The following TYRO3 variants were observed in gnomAD, a reference collection of about 807,000 sequenced individuals.
The protein encoded by TYRO3 is tyrosine-protein kinase receptor TYRO3.
Under a neutral mutation model 95.2 loss-of-function variants are expected in TYRO3, and 38 were observed. The ratio of observed to expected loss-of-function variants is 0.40; its 90% CI spans 0.31 to 0.52. TYRO3 has a LOEUF of 0.52. TYRO3 is among the 20% of genes least tolerant of loss of function. TYRO3 has a pLI of 0.56. For synonymous variants in TYRO3, 367 were observed against 432.9 expected (o/e 0.85, Z 1.89); for missense variants, 812 against 1,116.4 (o/e 0.73, Z 3.89).
chr15:41,562,180 G>A, intron 3 of TYRO3: 1 of 190,722 alleles, frequency 5.2e-6, no homozygotes, highest in South Asian at 1.3e-4. Flanking sequence ...GCCTAAGGGG[G>A]CAGCATGGAA....
chr15:41,568,850 A>G lies in TYRO3; in HGVS notation c.1108-28A>G, dbSNP rs754201979. 41 of 1,596,280 alleles carry G rather than the reference A, an allele frequency of 2.6e-5. No homozygotes were observed. In the South Asian group the frequency reaches 2.8e-4, roughly 11 times the overall value. On this transcript the variant is annotated intron_variant, in intron 8 of 18. Coordinates refer to ENST00000263798, the MANE Select transcript of TYRO3 (RefSeq NM_006293.4). ...TGGAGGCCTTCTCCCCAGGCTCACT[A>G]TGGGGTGGGGGCTTTTCCTGGCTGC...
chr15:41,560,393 A>ATGTGTGTGTTTGTG (rs1555395688), intron 1 of TYRO3, among the ~76,000 whole-genome samples: 1 of 120,446 alleles, frequency 8.3e-6, no homozygotes, highest in African/African-American at 3.2e-5. Context: ...AGGTGCGTGT[A>ATGTGTGTGTTTGTG]TGTGTGTGTG....
intron 5 of TYRO3, 101 bp downstream of exon 5, chr15:41,564,371 T>C: frequency 8.3e-7 from 1 of 1,206,978 alleles, no homozygotes; most frequent in Non-Finnish European, 1.2e-6. Flanking sequence ...CCCCTTGTGG[T>C]CCTGCTGGGA....
rs1428913017 is a variant in TYRO3 at position 41,564,941 on chromosome 15, G to A, written c.668-85G>A. ...AGGTTGGGGATGCCCTGGACCCTCA[G>A]AGAGACTCAAGGCTTGACTCCCATG... On this transcript the variant is annotated intron_variant, in intron 5 of 18. Coordinates refer to ENST00000263798, the MANE Select transcript of TYRO3 (RefSeq NM_006293.4). The A allele has an allele frequency of 1.5e-5, 13 of 888,262 alleles. No homozygotes were observed. In the Middle Eastern group the frequency reaches 9.4e-4, roughly 64 times the overall value. The allele number at this position is 888,262 out of a possible 1,614,324, so 55.0% of individuals were successfully genotyped here. A position where few individuals can be genotyped will look rare whatever the true frequency, so the allele number is the denominator to read the frequency against.
intron 14 of TYRO3, 114 bp downstream of exon 14, chr15:41,571,801 T>C: frequency 2.0e-6 from 1 of 511,260 alleles, no homozygotes; most frequent in Non-Finnish European, 3.8e-6. Flanking sequence ...AATAAATAGA[T>C]GGCAAAATAG....
chr15:41,573,932 G>T, intron 18 of TYRO3, 117 bp downstream of exon 18: 1 of 1,090,618 alleles, frequency 9.2e-7, no homozygotes, highest in Non-Finnish European at 1.3e-6. Flanking sequence ...CATCCTTGTA[G>T]TTGGAAGGCT....
intron 4 of TYRO3, among the ~76,000 whole-genome samples, chr15:41,563,919 A>G (rs951874213): frequency 6.6e-6 from 1 of 152,116 alleles, no homozygotes; most frequent in African/African-American, 2.4e-5. Context: ...ACGTTTCTCA[A>G]GGGCTTATTT....
intron 14 of TYRO3, 65 bp from the exon 15 acceptor site, chr15:41,572,378 T>A: frequency 6.4e-7 from 1 of 1,551,712 alleles, no homozygotes; most frequent in East Asian, 2.3e-5. Flanking sequence ...GGTGGGGACT[T>A]ATGCAGACAC....
chr15:41,559,289 GGCTCCCGCCGCTGCC>G lies in TYRO3; in HGVS notation c.36_50del (p.Leu15_Pro19del), dbSNP rs2052128162. The G allele has an allele frequency of 1.8e-6, 1 of 557,788 alleles. No homozygotes were observed. The highest frequency in any genetic ancestry group is 7.9e-5 in the South Asian group (1 of 12,726). The allele number at this position is 557,788 out of a possible 1,614,324, so 34.6% of individuals were successfully genotyped here. ...CTGAGGCGGAGCATGGGGCGGCCGG[GGCTCCCGCCGCTGCC>G]GCTGCCGCCGCCACCGCGGCTCGGG... On this transcript the variant is annotated inframe_deletion, in exon 1 of 19. Transcript: ENST00000263798.
intron 6 of TYRO3, among the ~76,000 whole-genome samples, chr15:41,566,631 A>G (rs2055728608): frequency 1.3e-5 from 2 of 152,184 alleles, no homozygotes; most frequent in Admixed American, 1.3e-4. Flanking sequence ...TGGAGCTTGG[A>G]TATGCAGTCA....
chr15:41,561,278 A>C lies in TYRO3; in HGVS notation c.276A>C (p.Pro92=), dbSNP rs527345876. The C allele has an allele frequency of 6.8e-6, 11 of 1,614,018 alleles. No homozygotes were observed. In the South Asian group the frequency reaches 1.2e-4, roughly 18 times the overall value. ...AGAACTTGGACCAGTTGTACATCCCAGTCAGCGAGCAGCACTGGATCGGCT... is the reference window on the plus strand; with the variant it reads ...AGAACTTGGACCAGTTGTACATCCCCGTCAGCGAGCAGCACTGGATCGGCT... ...VVQNLDQLYI[P]VSEQHWIGFL... Residue 92 remains proline (P), a synonymous_variant, in exon 2 of 19, where the codon CCA becomes CCC. Coordinates refer to ENST00000263798, the MANE Select transcript of TYRO3 (RefSeq NM_006293.4).
intron 6 of TYRO3, among the ~76,000 whole-genome samples, chr15:41,565,959 A>G (rs1240878328): frequency 1.3e-5 from 2 of 151,994 alleles, no homozygotes; most frequent in Non-Finnish European, 2.9e-5. Context: ...ACCTTTCAAA[A>G]CTGTTCTGGG....
In TYRO3 at chr15:41,582,136, G is replaced by A. The variant is rs779198729; in HGVS notation, c.*3860G>A. ...TATATAAATGGAGTCATGTAGATTT[G>A]ATTACTTTGCGTTTGGCTTCTTTCC... On this transcript the variant is annotated 3_prime_UTR_variant, in exon 19 of 19. Coordinates refer to ENST00000263798, the MANE Select transcript of TYRO3 (RefSeq NM_006293.4). 4.6e-5 allele frequency: 7 copies of A among 152,140 alleles called. No individual in the cohort carries two copies. The highest frequency in any genetic ancestry group is 7.2e-5 in the African/African-American group (3 of 41,414). The allele number at this position is 152,140 out of a possible 1,614,324, so 9.4% of individuals were successfully genotyped here. A position where few individuals can be genotyped will look rare whatever the true frequency, so the allele number is the denominator to read the frequency against.
In TYRO3 at chr15:41,573,359, G is replaced by A. The variant is rs1415748063; in HGVS notation, c.2037G>A (p.Lys679=). The A allele has an allele frequency of 8.1e-6, 13 of 1,614,246 alleles. No individual in the cohort carries two copies. The highest frequency in any genetic ancestry group is 1.0e-5 in the Non-Finnish European group (12 of 1,180,050). The part of the protein sequence containing the change: ...VCVADFGLSR[K]IYSGDYYRQG... The stretch of plus-strand genomic sequence containing the variant: ...TGGCTGACTTCGGACTCTCCCGGAA[G>A]ATCTACAGTGGGGACTACTATCGTC... The change falls in exon 17 of 19, where the codon AAG becomes AAA. Residue 679 remains lysine, a synonymous_variant. Transcript: ENST00000263798.
chr15:41,578,982 G>C lies in TYRO3; in HGVS notation c.*706G>C, dbSNP rs559988636. 2.5e-4 allele frequency: 38 copies of C among 153,502 alleles called. No individual in the cohort carries two copies. The highest frequency in any genetic ancestry group is 4.9e-4 in the Non-Finnish European group (34 of 69,020). The allele number at this position is 153,502 out of a possible 1,614,324, so 9.5% of individuals were successfully genotyped here. A position where few individuals can be genotyped will look rare whatever the true frequency, so the allele number is the denominator to read the frequency against. On this transcript the variant is annotated 3_prime_UTR_variant, in exon 19 of 19. Transcript: ENST00000263798. ...CAGCAAGAGGAAGGGGTGCTGTGAGGCTTGCCCAGGAGCAAGTGAGGCCGG... is the reference window on the plus strand; with the variant it reads ...CAGCAAGAGGAAGGGGTGCTGTGAGCCTTGCCCAGGAGCAAGTGAGGCCGG...
intron 16 of TYRO3, 97 bp from the exon 17 acceptor site, chr15:41,573,210 TG>T: frequency 7.1e-7 from 1 of 1,401,202 alleles, no homozygotes; most frequent in Non-Finnish European, 9.7e-7. Flanking sequence ...CTGCTATGCA[TG>T]GGGGTAGCTT....
Position 41,561,601 on chromosome 15 carries a change from A to G in TYRO3, c.371A>G (p.Glu124Gly). The G allele has an allele frequency of 2.5e-6, 4 of 1,593,390 alleles. No individual in the cohort carries two copies. The South Asian group carries it at 4.6e-5, about 18-fold the overall frequency. Residue 124 changes from glutamate to glycine, a missense_variant, in exon 3 of 19, where the codon GAA becomes GGA. Coordinates refer to ENST00000263798, the MANE Select transcript of TYRO3 (RefSeq NM_006293.4). ...TGGTGCCAGGTGGAGGATGGGGGTGAAACCGAGATCTCCCAGCCAGTGTGG... is the reference window on the plus strand; with the variant it reads ...TGGTGCCAGGTGGAGGATGGGGGTGGAACCGAGATCTCCCAGCCAGTGTGG... ...RYWCQVEDGG[E>G]TEISQPVWLT...
chr15:41,571,266 C>T (rs957460431), intron 13 of TYRO3, 148 bp downstream of exon 13: 4 of 758,398 alleles, frequency 5.3e-6, no homozygotes, highest in African/African-American at 1.7e-5. Flanking sequence ...ACGAATAATT[C>T]ACAAGCATAA....
At chr15:41,567,207 T>C (rs1243961286) in intron 6 of TYRO3, among the ~76,000 whole-genome samples, 153 bp from the exon 7 acceptor site, 2 of 152,036 alleles carry the variant, frequency 1.3e-5, no homozygotes, top group Non-Finnish European at 2.9e-5. Context: ...TGGAACCCTG[T>C]GTATTATTGG....
Sources: gnomAD v4.1 joint callset for allele counts (sites outside exome capture counted in the v4.1 genomes callset) on GRCh38, gnomAD v4.1.1 for gene constraint, MANE v1.5 for transcripts, NCBI Gene and HGNC (gene_info 2026-07-23, HGNC 2026-07-21) for gene names.